Variants in KCNIP4 observed in about 807,000 individuals in gnomAD.
KCNIP4 encodes the protein potassium voltage-gated channel interacting protein 4.
KCNIP4 carries 12 observed loss-of-function variants against 34.0 expected under a neutral mutation model. That is an observed-to-expected ratio of 0.35 (90% CI 0.23 to 0.57). KCNIP4 has a LOEUF of 0.57. Ranked by LOEUF, KCNIP4 falls within the 20% of genes least tolerant of loss-of-function variation. The probability of loss-of-function intolerance (pLI) is 0.83; values close to 1 mark genes in which losing one functional copy is unlikely to be tolerated. For synonymous variants in KCNIP4, 124 were observed against 102.2 expected, an observed-to-expected ratio of 1.21 and a Z score of -1.29; for missense variants, 238 against 311.7, an observed-to-expected ratio of 0.76 and a Z score of 1.78.
At chr4:21,916,006 G>A (rs879456574) in intron 1 of KCNIP4, among the ~76,000 whole-genome samples, 11 of 152,140 alleles carry the variant, frequency 7.2e-5, no homozygotes, top group Non-Finnish European at 1.6e-4. Flanking sequence ...CTGATTCCCA[G>A]CCACACAGCT....
chr4:21,744,414 G>A (rs1160133014), intron 1 of KCNIP4, among the ~76,000 whole-genome samples: 1 of 152,202 alleles, frequency 6.6e-6, no homozygotes, highest in South Asian at 2.1e-4. Context: ...TCTTTGCATG[G>A]TCTACATCCC....
chr4:21,230,122 C>A (rs1343794885), intron 1 of KCNIP4, among the ~76,000 whole-genome samples: 1 of 152,014 alleles, frequency 6.6e-6, no homozygotes, highest in Non-Finnish European at 1.5e-5. Context: ...GATAGAGAGA[C>A]ACACATGCAA....
intron 4 of KCNIP4, among the ~76,000 whole-genome samples, chr4:20,749,981 C>G (rs901080534): frequency 6.6e-6 from 1 of 152,142 alleles, no homozygotes; most frequent in Non-Finnish European, 1.5e-5. Context: ...ATGCTGTAGT[C>G]TTGGGTGATG....
At chr4:20,732,222 G>GAGAT (rs2149263248) in intron 7 of KCNIP4, among the ~76,000 whole-genome samples, 154 bp from the exon 8 acceptor site, 1 of 152,302 alleles carries the variant, frequency 6.6e-6, no homozygotes, top group South Asian at 2.1e-4. Flanking sequence ...CAGTTTTTTA[G>GAGAT]AGATAAAAAT....
chr4:21,210,726 C>T (rs553809956), intron 1 of KCNIP4, among the ~76,000 whole-genome samples: 1 of 152,062 alleles, frequency 6.6e-6, no homozygotes, highest in Admixed American at 6.6e-5. Context: ...TCCCTCCTTC[C>T]ACCTTCAGCC....
intron 1 of KCNIP4, among the ~76,000 whole-genome samples, chr4:21,135,809 G>A (rs1013367396): frequency 4.6e-5 from 7 of 152,006 alleles, no homozygotes; most frequent in Admixed American, 1.3e-4. Flanking sequence ...TATTTCCTTG[G>A]GTCAGCTCTT....
chr4:20,885,912 A>T (rs1159099527), intron 1 of KCNIP4, among the ~76,000 whole-genome samples: 1 of 152,166 alleles, frequency 6.6e-6, no homozygotes, highest in East Asian at 1.9e-4. Context: ...ATGCCTGTTC[A>T]TCCTTCAGAT....
chr4:21,506,685 T>C (rs1733870236), intron 1 of KCNIP4, among the ~76,000 whole-genome samples: 1 of 152,264 alleles, frequency 6.6e-6, no homozygotes, highest in Non-Finnish European at 1.5e-5. Context: ...GTATCTAAGT[T>C]ATCATTGTTC....
intron 1 of KCNIP4, among the ~76,000 whole-genome samples, chr4:21,388,621 T>G (rs569277966): frequency 6.6e-6 from 1 of 152,274 alleles, no homozygotes; most frequent in African/African-American, 2.4e-5. Flanking sequence ...TTTTAGAAGA[T>G]CTTTGCCCTC....
At chr4:20,815,433 G>A (rs1246265461) in intron 3 of KCNIP4, among the ~76,000 whole-genome samples, 1 of 152,066 alleles carries the variant, frequency 6.6e-6, no homozygotes, top group Non-Finnish European at 1.5e-5. Context: ...AGATATCACA[G>A]GAGACCTAAC....
chr4:20,877,968 CTCTT>C (rs1724246358), intron 2 of KCNIP4, among the ~76,000 whole-genome samples: 1 of 127,350 alleles, frequency 7.9e-6, no homozygotes, highest in South Asian at 2.6e-4. Context: ...TTTTCTCTCT[CTCTT>C]TTTTTTTTTC....
intron 1 of KCNIP4, among the ~76,000 whole-genome samples, chr4:21,282,608 A>G (rs1762847271): frequency 6.6e-6 from 1 of 152,208 alleles, no homozygotes; most frequent in Admixed American, 6.5e-5. Context: ...TTTCTCAGAC[A>G]GGTTTATGTT....
chr4:21,319,182 G>A (rs80034994), intron 1 of KCNIP4, among the ~76,000 whole-genome samples: 1,753 of 152,312 alleles, frequency 0.012, 26 homozygotes, highest in South Asian at 0.047. Flanking sequence ...AGGGAGCCAA[G>A]ACCTGTCTGC....
intron 1 of KCNIP4, among the ~76,000 whole-genome samples, chr4:21,016,455 C>T (rs771996020): frequency 4.0e-5 from 6 of 151,736 alleles, no homozygotes; most frequent in Non-Finnish European, 8.8e-5. Context: ...GCCACCACGC[C>T]CTGCTAATTT....
chr4:20,750,176 C>G (rs1170889246), intron 4 of KCNIP4, among the ~76,000 whole-genome samples: 1 of 152,166 alleles, frequency 6.6e-6, no homozygotes, highest in Non-Finnish European at 1.5e-5. Flanking sequence ...ATCATTGTTA[C>G]AACTCAGAAA....
intron 1 of KCNIP4, among the ~76,000 whole-genome samples, chr4:21,293,831 T>A (rs138109052): frequency 8.5e-4 from 130 of 152,260 alleles, no homozygotes; most frequent in African/African-American, 3.0e-3. Context: ...TGGGAAGGGG[T>A]CCATGCATTT....
chr4:21,356,118 C>T (rs1560322161), intron 1 of KCNIP4, among the ~76,000 whole-genome samples: 1 of 152,144 alleles, frequency 6.6e-6, no homozygotes, highest in African/African-American at 2.4e-5. Context: ...CAAAATTCAA[C>T]AGCCCTTCAT....
chr4:21,475,923 C>A (rs1393408238), intron 1 of KCNIP4, among the ~76,000 whole-genome samples: 1 of 152,166 alleles, frequency 6.6e-6, no homozygotes, highest in African/African-American at 2.4e-5. Context: ...TCATGAAGAG[C>A]ACCTTTTTTT....
chr4:21,373,605 A>G lies in KCNIP4; in HGVS notation c.62-490896T>C, dbSNP rs1484007119. On this transcript the variant is annotated intron_variant, in intron 1 of 8. Transcript: ENST00000382152. ...GAGCCAAAAAATTTAAGGCCAAACT[A>G]CAAAGGTTCATGGCCAGGTTCTGGC... Among the ~76,000 whole-genome samples the G allele has an allele frequency of 2.7e-5, 4 of 147,648 alleles. 1 individual carries two copies. In the East Asian group the frequency reaches 7.9e-4, roughly 29 times the overall value.
Sources: gnomAD v4.1 joint callset for allele counts (sites outside exome capture counted in the v4.1 genomes callset) on GRCh38, gnomAD v4.1.1 for gene constraint, MANE v1.5 for transcripts, NCBI Gene and HGNC (gene_info 2026-07-23, HGNC 2026-07-21) for gene names.